The following NPAS3 variants were observed in gnomAD, a reference collection of about 807,000 sequenced individuals.
The protein encoded by NPAS3 is neuronal PAS domain protein 3.
In NPAS3, 14 loss-of-function variants were observed where a neutral mutation model predicts 73.1. The observed-to-expected ratio is 0.19, with a 90% CI of 0.13 to 0.30. NPAS3 has a LOEUF of 0.30. Among genes scored for constraint, NPAS3 ranks in the 10% least tolerant of loss-of-function variants. NPAS3 has a pLI of 1.00. For missense variants in NPAS3, 1,096 were observed against 1,250.0 expected, an observed-to-expected ratio of 0.88 and a Z score of 1.86; for synonymous variants, 620 against 541.5, an observed-to-expected ratio of 1.14 and a Z score of -2.01.
intron 6 of NPAS3, among the ~76,000 whole-genome samples, chr14:33,699,254 TATC>T (rs1471926288): frequency 5.3e-5 from 8 of 152,340 alleles, no homozygotes; most frequent in African/African-American, 1.7e-4. Context: ...TTAAAATAAA[TATC>T]ATTAATTAAA....
intron 7 of NPAS3, among the ~76,000 whole-genome samples, chr14:33,738,900 A>G (rs1200444530): frequency 1.3e-5 from 2 of 152,198 alleles, no homozygotes; most frequent in Admixed American, 6.5e-5. Flanking sequence ...GGGTAAAAGA[A>G]GATATGTAAT....
chr14:33,445,222 TA>T (rs1295104904), intron 4 of NPAS3, among the ~76,000 whole-genome samples: 1 of 152,222 alleles, frequency 6.6e-6, no homozygotes, highest in African/African-American at 2.4e-5. Context: ...TCCTTTGTGT[TA>T]AAAAAATTTC....
chr14:33,557,695 C>T (rs542940317), intron 4 of NPAS3, among the ~76,000 whole-genome samples: 189 of 152,320 alleles, frequency 1.2e-3, no homozygotes, highest in Non-Finnish European at 1.8e-3. Flanking sequence ...AACAGCTGGG[C>T]GCAGTGGCTC....
chr14:33,232,571 T>G (rs1038942141), intron 3 of NPAS3, among the ~76,000 whole-genome samples: 1 of 152,204 alleles, frequency 6.6e-6, no homozygotes, highest in African/African-American at 2.4e-5. Context: ...TTTTGAATTA[T>G]GTTTGTGGCA....
At chr14:33,289,073 AT>A (rs974236567) in intron 3 of NPAS3, among the ~76,000 whole-genome samples, 1 of 152,018 alleles carries the variant, frequency 6.6e-6, no homozygotes, top group African/African-American at 2.4e-5. Flanking sequence ...GATACCTAAC[AT>A]TTTTTTTATG....
chr14:33,158,018 C>A (rs2044710810), intron 2 of NPAS3, among the ~76,000 whole-genome samples: 1 of 151,912 alleles, frequency 6.6e-6, no homozygotes, highest in Admixed American at 6.6e-5. Flanking sequence ...GTAAAAGAGG[C>A]ACTTAAAGCT....
intron 3 of NPAS3, among the ~76,000 whole-genome samples, chr14:33,221,736 A>G (rs964479273): frequency 6.6e-5 from 10 of 152,252 alleles, no homozygotes; most frequent in Admixed American, 5.9e-4. Context: ...ACCTCTTTCT[A>G]TCGCCACTAT....
chr14:33,572,912 A>C (rs1477524429), intron 5 of NPAS3, among the ~76,000 whole-genome samples: 2 of 146,016 alleles, frequency 1.4e-5, no homozygotes, highest in Non-Finnish European at 3.0e-5. Context: ...AGTCCCAGCT[A>C]CTCGGGAGTC....
intron 5 of NPAS3, among the ~76,000 whole-genome samples, chr14:33,671,600 T>A (rs2059611777): frequency 6.6e-6 from 1 of 152,118 alleles, no homozygotes; most frequent in South Asian, 2.1e-4. Flanking sequence ...CAAAATGCTG[T>A]TTCTGGATGT....
intron 6 of NPAS3, among the ~76,000 whole-genome samples, chr14:33,683,008 G>T (rs1011761253): frequency 6.6e-6 from 1 of 152,148 alleles, no homozygotes; most frequent in African/African-American, 2.4e-5. Context: ...TGTTCCCAGA[G>T]AAGATGTTGG....
intron 3 of NPAS3, among the ~76,000 whole-genome samples, chr14:33,231,204 C>A (rs2047838540): frequency 1.3e-5 from 2 of 152,154 alleles, no homozygotes; most frequent in African/African-American, 4.8e-5. Flanking sequence ...TCATAAAAAT[C>A]ACAGTTTTTA....
intron 3 of NPAS3, among the ~76,000 whole-genome samples, chr14:33,317,737 C>G (rs1006030795): frequency 6.6e-6 from 1 of 152,028 alleles, no homozygotes; most frequent in African/African-American, 2.4e-5. Context: ...CCCAGCCATG[C>G]TAAACTGTGA....
chr14:33,542,141 C>T (rs1039530401), intron 4 of NPAS3, among the ~76,000 whole-genome samples: 1 of 152,162 alleles, frequency 6.6e-6, no homozygotes, highest in Admixed American at 6.6e-5. Context: ...TCATGGCTTT[C>T]TCCTGACAAC....
Position 33,683,607 on chromosome 14 carries a change from A to T in NPAS3, c.733+7222A>T, listed in dbSNP as rs530410927. 2.6e-5 allele frequency among the ~76,000 whole-genome samples: 4 copies of T among 152,330 alleles called. No individual in the cohort carries two copies. In the South Asian group the frequency reaches 6.2e-4, roughly 24 times the overall value. On this transcript the variant is annotated intron_variant, in intron 6 of 11. Coordinates refer to ENST00000356141, the Ensembl canonical transcript of NPAS3. ...ATACCACTCTGAATTCTTCATCTGCACTAAACAGCAGACTTACTTATGAAG... is the reference window on the plus strand; with the variant it reads ...ATACCACTCTGAATTCTTCATCTGCTCTAAACAGCAGACTTACTTATGAAG...
intron 6 of NPAS3, among the ~76,000 whole-genome samples, chr14:33,726,112 T>C (rs1246812185): frequency 6.6e-6 from 1 of 152,172 alleles, no homozygotes; most frequent in Non-Finnish European, 1.5e-5. Flanking sequence ...TCTCCATCAG[T>C]AAACATACTC....
chr14:33,768,930 G>C (rs1023482488), intron 7 of NPAS3, among the ~76,000 whole-genome samples: 1 of 152,170 alleles, frequency 6.6e-6, no homozygotes. Context: ...TCCATTCTTT[G>C]ATATGTTAGC....
At chr14:33,105,711 T>C (rs1318157574) in intron 2 of NPAS3, among the ~76,000 whole-genome samples, 1 of 152,132 alleles carries the variant, frequency 6.6e-6, no homozygotes, top group East Asian at 1.9e-4. Flanking sequence ...TTTGGTGTTA[T>C]GTTCATAATT....
intron 4 of NPAS3, among the ~76,000 whole-genome samples, chr14:33,471,083 G>A (rs17101313): frequency 0.088 from 13,434 of 152,222 alleles, 767 homozygotes; most frequent in African/African-American, 0.16. Flanking sequence ...CGAGAGCTCT[G>A]CGCATATTAG....
intron 3 of NPAS3, among the ~76,000 whole-genome samples, chr14:33,298,269 G>A (rs989059790): frequency 6.6e-6 from 1 of 152,146 alleles, no homozygotes; most frequent in Non-Finnish European, 1.5e-5. Flanking sequence ...GATGACAGAG[G>A]GAGCCTCCAT....
Sources: gnomAD v4.1 joint callset for allele counts (sites outside exome capture counted in the v4.1 genomes callset) on GRCh38, gnomAD v4.1.1 for gene constraint, MANE v1.5 for transcripts, NCBI Gene and HGNC (gene_info 2026-07-23, HGNC 2026-07-21) for gene names.